KRT17: variants seen among roughly 807,000 people sequenced by gnomAD.
KRT17 encodes the protein keratin 17, also known as keratin, type I cytoskeletal 17.
In KRT17, 29 loss-of-function variants were observed where a neutral mutation model predicts 45.6. The observed-to-expected ratio is 0.64, with a 90% CI of 0.47 to 0.87. The LOEUF (loss-of-function observed/expected upper bound fraction) is 0.87. Ranked by LOEUF, KRT17 falls within the 40% of genes least tolerant of loss-of-function variation. The pLI is 0.00. For synonymous variants in KRT17, 219 were observed against 234.6 expected, an observed-to-expected ratio of 0.93 and a Z score of 0.61; for missense variants, 536 against 577.8, an observed-to-expected ratio of 0.93 and a Z score of 0.74.
chr17:41,621,757 A>G lies in KRT17; in HGVS notation c.673-3T>C, dbSNP rs373347623. On this transcript the variant is annotated splice_polypyrimidine_tract_variant and splice_region_variant and intron_variant, in intron 3 of 7. Coordinates refer to ENST00000311208, the MANE Select transcript of KRT17 (RefSeq NM_000422.3). ...TGGCCTCGCAGGGCGTTCATCTCCTATGGAAAAAGGGGATGTGGATGTGCG... is the reference window on the plus strand; with the variant it reads ...TGGCCTCGCAGGGCGTTCATCTCCTGTGGAAAAAGGGGATGTGGATGTGCG... 5 of 1,611,940 alleles carry G rather than the reference A, an allele frequency of 3.1e-6. No homozygotes were observed. In the Admixed American group the frequency reaches 8.3e-5, roughly 27 times the overall value.
intron 3 of KRT17, 32 bp from the exon 4 acceptor site, chr17:41,621,786 C>A (rs550772306): frequency 9.9e-6 from 16 of 1,611,768 alleles, no homozygotes; most frequent in Non-Finnish European, 1.4e-5. Flanking sequence ...ATGTGCGCAT[C>A]TGGACCCATC....
In KRT17 at chr17:41,620,757, C is replaced by T. The variant is rs1159670612; in HGVS notation, c.1083G>A (p.Glu361=). 1 of 1,612,612 alleles carries T rather than the reference C, an allele frequency of 6.2e-7. No individual in the cohort carries two copies. Among genetic ancestry groups the T allele is most frequent in the South Asian group, 1.1e-5 (1 of 91,012 alleles). ...GGATTTTGTATTCCTGGTTCTGCTG[C>T]TCCATCTCGCAGCGAAGCTGGGCCA... ...EQLAQLRCEM[E]QQNQEYKILL... The change falls in exon 6 of 8, where the codon GAG becomes GAA. Residue 361 remains glutamate, a synonymous_variant. Transcript: ENST00000311208.
In KRT17 at chr17:41,624,516, G is replaced by C; in HGVS notation, c.-7C>G. The C allele has an allele frequency of 1.2e-6, 2 of 1,608,262 alleles. No individual in the cohort carries two copies. Among genetic ancestry groups the C allele is most frequent in the East Asian group, 2.2e-5 (1 of 44,844 alleles). The stretch of plus-strand genomic sequence containing the variant: ...GGCGGATGGAGGTGGTCATGGTGGC[G>C]GCGGCAGGAGGCAGGCACACAGGAG... On this transcript the variant is annotated 5_prime_UTR_variant, in exon 1 of 8. Transcript: ENST00000311208.
chr17:41,620,477 AGGTGGGCTGC>A, intron 7 of KRT17, 49 bp downstream of exon 7: 2 of 1,611,746 alleles, frequency 1.2e-6, no homozygotes, highest in Non-Finnish European at 1.7e-6. Flanking sequence ...AGCAACGTGC[AGGTGGGCTGC>A]CTGTCCCATG....
chr17:41,623,219 CG>C (rs1026978993), intron 1 of KRT17, 187 bp from the exon 2 acceptor site: 2 of 589,298 alleles, frequency 3.4e-6, no homozygotes, highest in African/African-American at 3.7e-5. Context: ...CTTCTTCCCC[CG>C]ATACTCAGTA....
Position 41,624,286 on chromosome 17 carries a change from C to A in KRT17, c.224G>T (p.Gly75Val), listed in dbSNP as rs760378776. 6.2e-6 allele frequency: 10 copies of A among 1,612,468 alleles called. No homozygotes were observed. The highest frequency in any genetic ancestry group is 7.6e-6 in the Non-Finnish European group (9 of 1,180,008). The change falls in exon 1 of 8, where the codon GGT becomes GTT. Residue 75 changes from glycine (G) to valine (V), a missense_variant. Gly to Val is a moderately radical substitution (Grantham distance 109, BLOSUM62 -3). Transcript: ENST00000311208. ...ACCTCCAGCCAGCAGCCCATCAACA[C>A]CCCCAAAGCTGCTGCCATAGCCACC... ...SGGGYGSSFG[G>V]VDGLLAGGEK...
At chr17:41,619,797 C>T (rs576854261) in intron 7 of KRT17, 109 bp from the exon 8 acceptor site, 11 of 1,580,922 alleles carry the variant, frequency 7.0e-6, no homozygotes, top group Non-Finnish European at 8.6e-6. Context: ...CCCCCAGGTG[C>T]TGTGAGTGCC....
In KRT17 at chr17:41,624,365, C is replaced by T; in HGVS notation, c.145G>A (p.Gly49Ser). ...SCRLGSAGGL[G>S]STLGGSSYSS... ...TAGCTGCTACCCCCGAGGGTGCTGC[C>T]CAGGCCGCCAGCAGATCCCAGCCTG... Residue 49 changes from glycine (G) to serine (S), a missense_variant, in exon 1 of 8, where the codon GGC becomes AGC. By Grantham distance (56) the Gly-to-Ser change is moderately conservative. Coordinates refer to ENST00000311208, the MANE Select transcript of KRT17 (RefSeq NM_000422.3). The T allele has an allele frequency of 1.9e-5, 30 of 1,611,074 alleles. No homozygotes were observed. Among genetic ancestry groups the T allele is most frequent in the Non-Finnish European group, 2.5e-5 (30 of 1,179,724 alleles).
At chr17:41,623,240 A>C in intron 1 of KRT17, 3 of 544,442 alleles carry the variant, frequency 5.5e-6, no homozygotes. Context: ...ACCCCACCAG[A>C]CCCCCATGGC....
At chr17:41,619,882 C>T in intron 7 of KRT17, 194 bp from the exon 8 acceptor site, 2 of 985,426 alleles carry the variant, frequency 2.0e-6, no homozygotes, top group Non-Finnish European at 2.4e-6. Flanking sequence ...CATCCCATCC[C>T]TCTGCCGGTG....
Position 41,620,770 on chromosome 17 carries a change from C to A in KRT17, c.1070G>T (p.Arg357Leu). Residue 357 changes from arginine to leucine, a missense_variant, in exon 6 of 8, where the codon CGC (arginine) becomes CTC (leucine). Physicochemically the swap from Arg to Leu is moderately radical, Grantham distance 102. Transcript: ENST00000311208. ...GSVEEQLAQL[R>L]CEMEQQNQEY... ...CTGGTTCTGCTGCTCCATCTCGCAG[C>A]GAAGCTGGGCCAGCTGCTCCTCCAC... 3 of 1,612,782 alleles carry A rather than the reference C, an allele frequency of 1.9e-6. No homozygotes were observed. The highest frequency in any genetic ancestry group is 2.5e-6 in the Non-Finnish European group (3 of 1,179,878).
In KRT17 at chr17:41,624,316, G is replaced by A. The variant is rs765464535; in HGVS notation, c.194C>T (p.Ser65Phe). 2 of 1,612,144 alleles carry A rather than the reference G, an allele frequency of 1.2e-6. No homozygotes were observed. The highest frequency in any genetic ancestry group is 1.1e-5 in the South Asian group (1 of 90,996). ...SSYSSCYSFG[S>F]GGGYGSSFGG... ...AAAGCTGCTGCCATAGCCACCACCA[G>A]AGCCAAAGCTGTAGCAGCTGGAGTA... Residue 65 changes from serine to phenylalanine, a missense_variant, in exon 1 of 8, where the codon TCT becomes TTT. Transcript: ENST00000311208.
At position 41,624,562 on chromosome 17, in the gene KRT17, G is replaced by A. The variant is rs1908667854; in HGVS notation, c.-53C>T. The A allele has an allele frequency of 2.0e-6, 3 of 1,536,678 alleles. No individual in the cohort carries two copies. Among genetic ancestry groups the A allele is most frequent in the Admixed American group, 1.7e-5 (1 of 58,058 alleles). On this transcript the variant is annotated 5_prime_UTR_variant, in exon 1 of 8. Transcript: ENST00000311208. ...AGGAGAAGGGCTGGAGAGGAGAGGG[G>A]CCCCAAGTTGTGTAGGGCTGCCGGG...
In KRT17 at chr17:41,620,489, T is replaced by C. The variant is rs777287744; in HGVS notation, c.1204+47A>G. On this transcript the variant is annotated intron_variant, in intron 7 of 7. Transcript: ENST00000311208. ...CCCAGCAACGTGCAGGTGGGCTGCC[T>C]GTCCCATGCACCCAACCCCCAGGGC... 7 of 1,611,736 alleles carry C rather than the reference T, an allele frequency of 4.3e-6. No individual in the cohort carries two copies. In the South Asian group the frequency reaches 5.5e-5, roughly 13 times the overall value.
At position 41,624,433 on chromosome 17, in the gene KRT17, C is replaced by T. The variant is rs745486930; in HGVS notation, c.77G>A (p.Arg26His). 2.0e-5 allele frequency: 32 copies of T among 1,609,852 alleles called. No homozygotes were observed. Among genetic ancestry groups the T allele is most frequent in the South Asian group, 7.7e-5 (7 of 90,898 alleles). The change falls in exon 1 of 8, where the codon CGC becomes CAC. Residue 26 changes from arginine to histidine, a missense_variant. Coordinates refer to ENST00000311208, the MANE Select transcript of KRT17 (RefSeq NM_000422.3). ...GCCGCCAGACAGCCGGCAGGAGGTGCGGGACGAGCCGCCCCCCAGGCCGGA... is the reference window on the plus strand; with the variant it reads ...GCCGCCAGACAGCCGGCAGGAGGTGTGGGACGAGCCGCCCCCCAGGCCGGA... The part of the protein sequence containing the change: ...GSSGLGGGSS[R>H]TSCRLSGGLG...
chr17:41,623,433 C>T (rs1048980575), intron 1 of KRT17, among the ~76,000 whole-genome samples: 3 of 152,150 alleles, frequency 2.0e-5, no homozygotes, highest in Non-Finnish European at 2.9e-5. Context: ...CAAAAGGAGG[C>T]TAAAGGAGCC....
chr17:41,621,024 G>A lies in KRT17; in HGVS notation c.902C>T (p.Ser301Leu), dbSNP rs142893574. The change falls in exon 5 of 8, where the codon TCG becomes TTG. Residue 301 changes from serine to leucine, a missense_variant. Physicochemically the swap from Ser to Leu is moderately radical, Grantham distance 145. Transcript: ENST00000311208. ...ELVQSGKSEI[S>L]ELRRTMQALE... ...GGCCTGCATGGTGCGCCGGAGCTCC[G>A]AGATCTCACTCTTGCCACTCTGCAC... 84 of 1,613,748 alleles carry A rather than the reference G, an allele frequency of 5.2e-5. No homozygotes were observed. Among genetic ancestry groups the A allele is most frequent in the East Asian group, 4.5e-4 (20 of 44,870 alleles).
chr17:41,622,930 AGGCCACAGCTAGGACTCACTTGGTGC>A lies in KRT17; in HGVS notation c.509_515+19del, dbSNP rs749481797. On this transcript the variant is annotated splice_donor_variant and splice_donor_5th_base_variant and coding_sequence_variant and intron_variant, in exon 2 of 8. Transcript: ENST00000311208. LOFTEE classifies it high-confidence loss of function. ...TCCGCCAGCTGGCCCAGGCTGCCCA[AGGCCACAGCTAGGACTCACTTGGTGC>A]GGAAGTCATCAGCAGCCAGACGGGC... 1 of 1,601,712 alleles carries A rather than the reference AGGCCACAGCTAGGACTCACTTGGTGC, an allele frequency of 6.2e-7. No individual in the cohort carries two copies. The highest frequency in any genetic ancestry group is 8.5e-7 in the Non-Finnish European group (1 of 1,170,340).
chr17:41,624,219 G>A lies in KRT17; in HGVS notation c.291C>T (p.Ser97=), dbSNP rs369475800. The part of the protein sequence containing the change: ...TMQNLNDRLA[S]YLDKVRALEE... The stretch of plus-strand genomic sequence containing the variant: ...CCAGGGCACGCACCTTGTCCAGGTA[G>A]GAGGCCAGGCGGTCATTGAGGTTCT... The change falls in exon 1 of 8, where the codon TCC becomes TCT. Residue 97 remains serine (S), a synonymous_variant. Transcript: ENST00000311208. 1.2e-6 allele frequency: 2 copies of A among 1,612,690 alleles called. No homozygotes were observed. The highest frequency in any genetic ancestry group is 1.3e-5 in the African/African-American group (1 of 74,878).
Sources: allele counts gnomAD v4.1 joint callset (sites outside exome capture counted in the v4.1 genomes callset), GRCh38; gene constraint gnomAD v4.1.1; transcripts MANE v1.5; gene names NCBI Gene and HGNC (gene_info 2026-07-23, HGNC 2026-07-21).